Variants in TEX15 observed in about 807,000 individuals in gnomAD.
TEX15 encodes testis-expressed protein 15.
Under a neutral mutation model 237.3 loss-of-function variants are expected in TEX15, and 171 were observed. The observed-to-expected ratio is 0.72, with a 90% CI of 0.64 to 0.82. TEX15 has a LOEUF of 0.82. Among genes scored for constraint, TEX15 ranks in the 40% least tolerant of loss-of-function variants. The pLI is 0.00. For synonymous variants in TEX15, 1,338 were observed against 1,269.8 expected (o/e 1.05, Z -1.14); for missense variants, 3,750 against 3,646.5 (o/e 1.03, Z -0.73).
At chr8:30,911,576 A>C (rs1033583793) in intron 1 of TEX15, among the ~76,000 whole-genome samples, 2 of 152,176 alleles carry the variant, frequency 1.3e-5, no homozygotes, top group Non-Finnish European at 1.5e-5. Context: ...CCCCATATTC[A>C]CCCATCACCC....
intron 2 of TEX15, among the ~76,000 whole-genome samples, chr8:30,891,258 C>T (rs983630985): frequency 3.9e-5 from 6 of 152,168 alleles, no homozygotes; most frequent in Admixed American, 2.0e-4. Context: ...TTTTGATCCT[C>T]ATGCCTCAGC....
At chr8:30,870,695 G>C (rs554220804) in intron 4 of TEX15, among the ~76,000 whole-genome samples, 1 of 152,026 alleles carries the variant, frequency 6.6e-6, no homozygotes, top group South Asian at 2.1e-4. Context: ...AACGCTGACA[G>C]CTAAGAGAAA....
chr8:30,870,353 C>T (rs1233495438), intron 4 of TEX15, among the ~76,000 whole-genome samples: 1 of 151,904 alleles, frequency 6.6e-6, no homozygotes, highest in Non-Finnish European at 1.5e-5. Flanking sequence ...GGATGGAATG[C>T]CTATGTCATA....
Position 30,843,675 on chromosome 8 carries a change from A to C in TEX15, c.6492T>G (p.Tyr2164Ter). The C allele has an allele frequency of 6.2e-7, 1 of 1,612,410 alleles. No homozygotes were observed. Among genetic ancestry groups the C allele is most frequent in the Non-Finnish European group, 8.5e-7 (1 of 1,179,430 alleles). ...CCTGTCGTTTGTACTTTAAGAATAC[A>C]TAGTATGAATTCTTTTCCCTTTTTG... is the stretch of plus-strand genomic sequence containing the variant. ...EETKREKNSY[Y>*]VFLKYKRQVN... Residue 2164 changes from tyrosine to a stop codon, truncating the protein, a stop_gained, in exon 8 of 11, where the codon TAT (tyrosine) becomes TAG (stop). Transcript: ENST00000643185. LOFTEE classifies it high-confidence loss of function.
intron 1 of TEX15, among the ~76,000 whole-genome samples, chr8:30,900,592 A>G (rs1232833413): frequency 1.3e-5 from 2 of 152,248 alleles, no homozygotes; most frequent in Non-Finnish European, 2.9e-5. Context: ...ACTGTCATGT[A>G]TAAGAAAGGA....
rs1331640518 is a variant in TEX15, at chr8:30,837,774, C to T, written c.8510G>A (p.Cys2837Tyr). 6.2e-7 allele frequency: 1 copy of T among 1,614,178 alleles called. No individual in the cohort carries two copies. Among genetic ancestry groups the T allele is most frequent in the African/African-American group, 1.3e-5 (1 of 75,054 alleles). ...AAETKSDKKD[C>Y]AAFAICDQKS... ...TTGGTCACAAATTGCAAAAGCAGCACAATCTTTCTTATCACTTTTTGTTTC... is the reference window on the plus strand; with the variant it reads ...TTGGTCACAAATTGCAAAAGCAGCATAATCTTTCTTATCACTTTTTGTTTC... The change falls in exon 10 of 11, where the codon TGT becomes TAT. Residue 2837 changes from cysteine (C) to tyrosine (Y), a missense_variant. Cys to Tyr is a radical substitution (Grantham distance 194). Transcript: ENST00000643185.
chr8:30,843,670 A>C lies in TEX15; in HGVS notation c.6497T>G (p.Phe2166Cys). Reference protein sequence around the residue: ...TKREKNSYYVFLKYKRQVNEC... With the variant: ...TKREKNSYYVCLKYKRQVNEC... ...ATTAACCTGTCGTTTGTACTTTAAG[A>C]ATACATAGTATGAATTCTTTTCCCT... The change falls in exon 8 of 11, where the codon TTC (phenylalanine) becomes TGC (cysteine). Residue 2166 changes from phenylalanine (F) to cysteine (C), a missense_variant. Transcript: ENST00000643185. The C allele has an allele frequency of 6.2e-7, 1 of 1,612,428 alleles. No individual in the cohort carries two copies. The highest frequency in any genetic ancestry group is 1.3e-5 in the African/African-American group (1 of 74,972).
Position 30,833,207 on chromosome 8 carries a change from CTAAA to C in TEX15, c.*75_*78del, listed in dbSNP as rs1807218857. 1 of 946,632 alleles carries C rather than the reference CTAAA, an allele frequency of 1.1e-6. No homozygotes were observed. The highest frequency in any genetic ancestry group is 1.7e-5 in the South Asian group (1 of 58,736). 58.6% of individuals were successfully genotyped at this position (946,632 alleles called of 1,614,324 possible). ...CCACATTTACAAACATTAAAAATCG[CTAAA>C]TGTTAAAAAATATATAAGTAAAAAA... On this transcript the variant is annotated 3_prime_UTR_variant, in exon 11 of 11. Coordinates refer to ENST00000643185, the MANE Select transcript of TEX15 (RefSeq NM_001350162.2).
intron 8 of TEX15, among the ~76,000 whole-genome samples, chr8:30,841,614 T>C (rs1329308112): frequency 6.6e-6 from 1 of 152,212 alleles, no homozygotes; most frequent in African/African-American, 2.4e-5. Context: ...CAGGCTTTGT[T>C]AGCCACTTTT....
In TEX15 at chr8:30,844,227, G is replaced by T; in HGVS notation, c.5940C>A (p.Tyr1980Ter). 6.2e-7 allele frequency: 1 copy of T among 1,612,006 alleles called. No individual in the cohort carries two copies. Among genetic ancestry groups the T allele is most frequent in the Non-Finnish European group, 8.5e-7 (1 of 1,179,202 alleles). The part of the protein sequence containing the change: ...VPTLLKKPAS[Y>*]VSDFKEKHCS... ...AATGTTTTTCTTTAAAATCACTCACGTATGACGCAGGTTTCTTCAGAAGAG... is the reference window on the plus strand; with the variant it reads ...AATGTTTTTCTTTAAAATCACTCACTTATGACGCAGGTTTCTTCAGAAGAG... The change falls in exon 8 of 11, where the codon TAC becomes TAA. Residue 1980 changes from tyrosine to a stop codon, truncating the protein, a stop_gained. Transcript: ENST00000643185. LOFTEE classifies it high-confidence loss of function.
Position 30,843,366 on chromosome 8 carries a change from C to T in TEX15, c.6801G>A (p.Leu2267=). The change falls in exon 8 of 11, where the codon CTG becomes CTA. Residue 2267 remains leucine, a synonymous_variant. Coordinates refer to ENST00000643185, the MANE Select transcript of TEX15 (RefSeq NM_001350162.2). ...TTGCAGCATCAAAAAAGATATGTTC[C>T]AGACCATAAAGAGATATTTTAACAC... is the stretch of plus-strand genomic sequence containing the variant. The part of the protein sequence containing the change: ...AVRVKISLYG[L]EHIFFDAAKN... 1.9e-6 allele frequency: 3 copies of T among 1,610,812 alleles called. No homozygotes were observed. Among genetic ancestry groups the T allele is most frequent in the Non-Finnish European group, 2.5e-6 (3 of 1,178,034 alleles).
chr8:30,862,937 T>C (rs1280674713), intron 5 of TEX15, among the ~76,000 whole-genome samples: 2 of 152,136 alleles, frequency 1.3e-5, no homozygotes, highest in African/African-American at 4.8e-5. Flanking sequence ...CAGAGGTCAA[T>C]TGGGAAGGTG....
chr8:30,839,372 T>C (rs1807391652), intron 9 of TEX15, among the ~76,000 whole-genome samples: 2 of 152,120 alleles, frequency 1.3e-5, no homozygotes, highest in Non-Finnish European at 2.9e-5. Flanking sequence ...TTGATGACTA[T>C]GTAGGTTCTC....
Position 30,847,476 on chromosome 8 carries a change from G to T in TEX15, c.2691C>A (p.Ser897Arg). The T allele has an allele frequency of 6.2e-7, 1 of 1,612,572 alleles. No homozygotes were observed. The highest frequency in any genetic ancestry group is 1.1e-5 in the South Asian group (1 of 90,618). The change falls in exon 8 of 11, where the codon AGC (serine) becomes AGA (arginine). Residue 897 changes from serine (S) to arginine (R), a missense_variant. Transcript: ENST00000643185. ...KQDSHTNENF[S>R]NIDEKEDKNY... ...TTTTGTCCTCCTTTTCATCTATATT[G>T]CTGAAATTTTCGTTTGTATGAGAAT...
chr8:30,864,957 G>A (rs1808129545), intron 5 of TEX15, among the ~76,000 whole-genome samples: 1 of 151,748 alleles, frequency 6.6e-6, no homozygotes, highest in African/African-American at 2.4e-5. Flanking sequence ...GTAAGCCTTA[G>A]GGTAACCAAA....
At chr8:30,894,656 G>A (rs1388150005) in intron 2 of TEX15, among the ~76,000 whole-genome samples, 3 of 152,188 alleles carry the variant, frequency 2.0e-5, no homozygotes, top group African/African-American at 7.2e-5. Context: ...GGATATCCAT[G>A]TGCAAAAGAA....
intron 2 of TEX15, among the ~76,000 whole-genome samples, chr8:30,890,159 T>C (rs1405464241): frequency 6.6e-6 from 1 of 151,240 alleles, no homozygotes; most frequent in Non-Finnish European, 1.5e-5. Context: ...CTTTAACAGG[T>C]ATTCAAAATA....
Position 30,846,984 on chromosome 8 carries a change from A to C in TEX15, c.3183T>G (p.Ile1061Met). 1.2e-6 allele frequency: 2 copies of C among 1,613,626 alleles called. No individual in the cohort carries two copies. The highest frequency in any genetic ancestry group is 2.7e-5 in the African/African-American group (2 of 75,034). Residue 1061 changes from isoleucine to methionine, a missense_variant, in exon 8 of 11, where the codon ATT becomes ATG. Transcript: ENST00000643185. ...CATCACAATCTTCTAATTCTATTTC[A>C]ATTTCACTTTCCAATTCAATGCTCT... ...VLQSIELESE[I>M]EIELEDCDDA...
At chr8:30,864,047 C>T (rs1315841180) in intron 5 of TEX15, among the ~76,000 whole-genome samples, 1 of 151,690 alleles carries the variant, frequency 6.6e-6, no homozygotes, top group East Asian at 1.9e-4. Context: ...TAAAGATGCT[C>T]AAAGAGCTAA....
Sources: gnomAD v4.1 joint callset for allele counts (sites outside exome capture counted in the v4.1 genomes callset) on GRCh38, gnomAD v4.1.1 for gene constraint, MANE v1.5 for transcripts, NCBI Gene and HGNC (gene_info 2026-07-23, HGNC 2026-07-21) for gene names.